Variants in ATG7 observed in about 807,000 individuals in gnomAD.
ATG7 encodes the protein autophagy related 7.
ATG7 carries 70 observed loss-of-function variants against 82.4 expected under a neutral mutation model. The observed-to-expected ratio is 0.85, with a 90% CI of 0.70 to 1.04. The LOEUF is 1.04. ATG7 is among the 50% of genes least tolerant of loss of function. The pLI is 0.00. For synonymous variants in ATG7, 287 were observed against 313.0 expected (o/e 0.92, Z 0.88); for missense variants, 792 against 864.3 (o/e 0.92, Z 1.05).
At chr3:11,403,379 A>C (rs1017911262) in intron 19 of ATG7, among the ~76,000 whole-genome samples, 12 of 151,800 alleles carry the variant, frequency 7.9e-5, no homozygotes, top group Non-Finnish European at 1.8e-4. Flanking sequence ...GAAGGTAGTA[A>C]GGAGAAGGAG....
intron 20 of ATG7, among the ~76,000 whole-genome samples, chr3:11,460,239 T>G (rs779833071): frequency 6.6e-6 from 1 of 152,248 alleles, no homozygotes; most frequent in Non-Finnish European, 1.5e-5. Context: ...GAACCTCCTT[T>G]TGCATCTTTC....
the ATG7 span, chr3:11,568,521 T>C: frequency 1.3e-6 from 2 of 1,528,386 alleles, no homozygotes; most frequent in African/African-American, 1.4e-5. This position sits in a 1 kb window ranked among gnomAD's most constrained non-coding sequence, Gnocchi z 5.9. Flanking sequence ...GTGGGCACTA[T>C]GGGTCAGACA....
At chr3:11,382,528 C>G (rs2077989009) in intron 19 of ATG7, among the ~76,000 whole-genome samples, 1 of 152,136 alleles carries the variant, frequency 6.6e-6, no homozygotes, top group African/African-American at 2.4e-5. Flanking sequence ...ATTCCAGTTT[C>G]TACTTATTGT....
chr3:11,299,209 C>G, intron 4 of ATG7, 153 bp from the exon 5 acceptor site: 2 of 673,962 alleles, frequency 3.0e-6, no homozygotes, highest in Non-Finnish European at 5.1e-6. Flanking sequence ...ATTTATCTAT[C>G]CATACATATA....
chr3:11,328,880 C>T (rs998301730), intron 9 of ATG7, among the ~76,000 whole-genome samples: 3 of 152,094 alleles, frequency 2.0e-5, no homozygotes, highest in Middle Eastern at 3.2e-3. Context: ...TGAGGTCAGG[C>T]GTTCGAGACC....
intron 18 of ATG7, among the ~76,000 whole-genome samples, chr3:11,378,775 A>G (rs2077648215): frequency 6.6e-6 from 1 of 151,074 alleles, no homozygotes; most frequent in East Asian, 1.9e-4. Context: ...AACAGTTAAC[A>G]CTGTTACAGT....
intron 9 of ATG7, among the ~76,000 whole-genome samples, chr3:11,328,427 G>C (rs1299178251): frequency 2.6e-5 from 4 of 152,060 alleles, no homozygotes; most frequent in African/African-American, 9.7e-5. Flanking sequence ...TTTCCTGAAA[G>C]GATGACCATA....
intron 12 of ATG7, 46 bp downstream of exon 12, chr3:11,340,781 A>G: frequency 6.5e-7 from 1 of 1,541,672 alleles, no homozygotes; most frequent in East Asian, 2.3e-5. Flanking sequence ...TTTGTAACCA[A>G]GACACACACC....
intron 20 of ATG7, among the ~76,000 whole-genome samples, chr3:11,439,069 C>CTTTTTTTTTTTTTTTTTTTT (rs67206280): frequency 1.7e-4 from 21 of 121,966 alleles, no homozygotes; most frequent in Non-Finnish European, 2.5e-4. Flanking sequence ...TTCTTTCTTT[C>CTTTTTTTTTTTTTTTTTTTT]TTTTTTTTTT....
At chr3:11,308,125 T>A (rs1415322095) in intron 6 of ATG7, among the ~76,000 whole-genome samples, 1 of 152,180 alleles carries the variant, frequency 6.6e-6, no homozygotes, top group Non-Finnish European at 1.5e-5. Flanking sequence ...CTCTCTTCAG[T>A]GGTCCAGCTT....
chr3:11,434,705 C>T (rs1184211301), intron 20 of ATG7, among the ~76,000 whole-genome samples: 1 of 152,136 alleles, frequency 6.6e-6, no homozygotes, highest in Non-Finnish European at 1.5e-5. Flanking sequence ...GGGAAAGTTG[C>T]AATTGGAAAA....
intron 20 of ATG7, among the ~76,000 whole-genome samples, chr3:11,496,783 A>G (rs2090866901): frequency 6.6e-6 from 1 of 152,154 alleles, no homozygotes; most frequent in South Asian, 2.1e-4. Flanking sequence ...AAAGAAAAAT[A>G]AAGCTGTTAA....
At chr3:11,469,916 G>A (rs548142738) in intron 20 of ATG7, among the ~76,000 whole-genome samples, 1 of 150,558 alleles carries the variant, frequency 6.6e-6, no homozygotes, top group Admixed American at 6.7e-5. Flanking sequence ...CTTGAACCTG[G>A]GAGGCGGAGG....
chr3:11,555,026 TACC>T lies in ATG7; in HGVS notation c.*188_*190del. On this transcript the variant is annotated 3_prime_UTR_variant, in exon 21 of 21. Transcript: ENST00000693202. The stretch of plus-strand genomic sequence containing the variant: ...GTTCGGCGTTGCTCGGGATTCAAGA[TACC>T]ACCAGTTCAGAGCTAAATAATAACC... 2.9e-6 allele frequency: 2 copies of T among 686,240 alleles called. No individual in the cohort carries two copies. Among genetic ancestry groups the T allele is most frequent in the Non-Finnish European group, 4.7e-6 (2 of 426,122 alleles). 42.5% of individuals were successfully genotyped at this position (686,240 alleles called of 1,614,324 possible).
intron 11 of ATG7, among the ~76,000 whole-genome samples, chr3:11,339,823 C>T (rs1453887160): frequency 6.6e-6 from 1 of 152,188 alleles, no homozygotes; most frequent in Non-Finnish European, 1.5e-5. Context: ...CACGTGGGTT[C>T]TGTACTGCAG....
At chr3:11,367,474 G>GC (rs2076703917) in intron 18 of ATG7, among the ~76,000 whole-genome samples, 4 of 152,226 alleles carry the variant, frequency 2.6e-5, no homozygotes, top group East Asian at 1.9e-4. Flanking sequence ...GAATCACAAG[G>GC]CCCCCCACCA....
chr3:11,468,573 C>T (rs187188358), intron 20 of ATG7, among the ~76,000 whole-genome samples: 7 of 152,260 alleles, frequency 4.6e-5, no homozygotes, highest in Non-Finnish European at 7.3e-5. Context: ...TTAGCCCTCT[C>T]GATCCCCACA....
At chr3:11,543,726 C>T (rs1437522554) in intron 20 of ATG7, among the ~76,000 whole-genome samples, 1 of 152,178 alleles carries the variant, frequency 6.6e-6, no homozygotes. Context: ...ATGGTGAAAC[C>T]CCATCTCTAC....
intron 20 of ATG7, among the ~76,000 whole-genome samples, chr3:11,442,628 C>T (rs958576791): frequency 3.4e-5 from 5 of 148,410 alleles, no homozygotes; most frequent in Non-Finnish European, 5.9e-5. Flanking sequence ...GGGCCAGGTG[C>T]GTGGGATTAC....
Sources: gnomAD v4.1 joint callset for allele counts (sites outside exome capture counted in the v4.1 genomes callset) on GRCh38, gnomAD v4.1.1 for gene constraint, Gnocchi (gnomAD v3.1) non-coding constraint, MANE v1.5 for transcripts, NCBI Gene and HGNC (gene_info 2026-07-23, HGNC 2026-07-21) for gene names.